AFF4: variants seen among roughly 807,000 people sequenced by gnomAD.
AFF4 encodes AF4/FMR2 family member 4.
A neutral mutation model predicts 124.8 loss-of-function variants in AFF4; 13 were observed. The ratio of observed to expected loss-of-function variants is 0.10; its 90% confidence interval spans 0.07 to 0.17. The LOEUF (loss-of-function observed/expected upper bound fraction) is 0.17. Among genes scored for constraint, AFF4 ranks in the 10% least tolerant of loss-of-function variants. AFF4 has a pLI of 1.00. For synonymous variants in AFF4, 477 were observed against 496.1 expected, an observed-to-expected ratio of 0.96 and a Z score of 0.51; for missense variants, 1,092 against 1,403.8, an observed-to-expected ratio of 0.78 and a Z score of 3.55.
chr5:132,934,073 T>C, intron 3 of AFF4, 74 bp downstream of exon 3: 1 of 1,471,716 alleles, frequency 6.8e-7, no homozygotes, highest in African/African-American at 1.4e-5. Context: ...AGTGTTCAAG[T>C]TCAATCGTAA....
chr5:132,963,045 T>C (rs537843295), intron 1 of AFF4, among the ~76,000 whole-genome samples: 33 of 152,122 alleles, frequency 2.2e-4, no homozygotes, highest in African/African-American at 6.5e-4. Context: ...TTTGTTAGGA[T>C]TGGGTTAGCT....
At chr5:132,885,946 G>A (rs893366960) in intron 18 of AFF4, among the ~76,000 whole-genome samples, 1 of 151,980 alleles carries the variant, frequency 6.6e-6, no homozygotes. Flanking sequence ...GCTAATTTTT[G>A]TATATTTAGT....
chr5:132,900,900 A>G, intron 7 of AFF4: 1 of 984,552 alleles, frequency 1.0e-6, no homozygotes, highest in Non-Finnish European at 1.2e-6. Context: ...ACAATCTCCA[A>G]TCAGTGAGAA....
intron 1 of AFF4, among the ~76,000 whole-genome samples, chr5:132,938,651 T>C (rs1761489285): frequency 1.3e-5 from 2 of 151,716 alleles, no homozygotes; most frequent in Admixed American, 6.6e-5. Context: ...TGTCATGCAA[T>C]AAAAGCAATT....
Position 132,937,024 on chromosome 5 carries a change from G to A in AFF4, c.123+43C>T, listed in dbSNP as rs1761448007. ...TGTGAAACATTTTAAAAGCAAAAATGTCATGCTAATGGGAAAAAAACATTC... is the reference window on the plus strand; with the variant it reads ...TGTGAAACATTTTAAAAGCAAAAATATCATGCTAATGGGAAAAAAACATTC... On this transcript the variant is annotated intron_variant, in intron 2 of 20. Coordinates refer to ENST00000265343, the MANE Select transcript of AFF4 (RefSeq NM_014423.4). 7 of 1,567,726 alleles carry A rather than the reference G, an allele frequency of 4.5e-6. No homozygotes were observed. In the East Asian group the frequency reaches 1.4e-4, roughly 31 times the overall value.
intron 1 of AFF4, among the ~76,000 whole-genome samples, chr5:132,945,914 G>A (rs1267451224): frequency 6.6e-6 from 1 of 152,046 alleles, no homozygotes; most frequent in Non-Finnish European, 1.5e-5. Flanking sequence ...TACAAAATTA[G>A]CCAGGCGTGG....
At chr5:132,925,360 G>A (rs1323181240) in intron 5 of AFF4, among the ~76,000 whole-genome samples, 1 of 151,728 alleles carries the variant, frequency 6.6e-6, no homozygotes, top group Non-Finnish European at 1.5e-5. Context: ...ATAAAAATAA[G>A]AGGGTATGTT....
intron 4 of AFF4, chr5:132,927,454 A>G (rs1305142871): frequency 5.1e-6 from 2 of 390,226 alleles, no homozygotes; most frequent in African/African-American, 4.3e-5. Flanking sequence ...GAATAGTTAC[A>G]GAAATCAGCC....
Position 132,896,200 on chromosome 5 carries a change from G to A in AFF4, c.2307+123C>T, listed in dbSNP as rs1467953152. Reference sequence around the variant, plus strand: ...CCACATGTAGCCTCGCCTGGGCCTTGGGTTTACCCACTATTTTCCTTCACA... The same window carrying A: ...CCACATGTAGCCTCGCCTGGGCCTTAGGTTTACCCACTATTTTCCTTCACA... On this transcript the variant is annotated intron_variant, in intron 11 of 20. Transcript: ENST00000265343. The A allele has an allele frequency of 3.4e-6, 4 of 1,173,336 alleles. No individual in the cohort carries two copies. The Admixed American group carries it at 7.7e-5, about 22-fold the overall frequency. The allele number at this position is 1,173,336 out of a possible 1,614,324, so 72.7% of individuals were successfully genotyped here.
chr5:132,960,759 T>C (rs567034918), intron 1 of AFF4, among the ~76,000 whole-genome samples: 4 of 152,280 alleles, frequency 2.6e-5, no homozygotes, highest in South Asian at 2.1e-4. Flanking sequence ...AATCTAGTAA[T>C]TGTGTAAAAT....
At chr5:132,912,454 G>A (rs957692820) in intron 5 of AFF4, among the ~76,000 whole-genome samples, 1 of 152,016 alleles carries the variant, frequency 6.6e-6, no homozygotes, top group Non-Finnish European at 1.5e-5. Context: ...AAGACCTCCG[G>A]GGCTCAAGCT....
At chr5:132,921,560 C>T (rs1761048802) in intron 5 of AFF4, among the ~76,000 whole-genome samples, 1 of 151,882 alleles carries the variant, frequency 6.6e-6, no homozygotes, top group African/African-American at 2.4e-5. Context: ...CCTCCACCTC[C>T]CAGCTTCAAG....
chr5:132,896,217 T>C, intron 11 of AFF4, 106 bp downstream of exon 11: 2 of 1,364,872 alleles, frequency 1.5e-6, no homozygotes, highest in East Asian at 4.6e-5. Context: ...CCCACTATTT[T>C]CCTTCACAGC....
intron 4 of AFF4, chr5:132,927,534 G>C: frequency 4.0e-6 from 1 of 253,050 alleles, no homozygotes; most frequent in Non-Finnish European, 7.5e-6. Flanking sequence ...GGGAGGAAGG[G>C]ACAATGATAA....
chr5:132,914,919 C>T (rs1317169374), intron 5 of AFF4, among the ~76,000 whole-genome samples: 1 of 152,150 alleles, frequency 6.6e-6, no homozygotes, highest in South Asian at 2.1e-4. Context: ...AACGAAAGAT[C>T]ATTCAAGGAG....
In AFF4 at chr5:132,896,302, C is replaced by CA. The variant is rs745882599; in HGVS notation, c.2307+20dup. ...TCAGATTCTGATGTTTCAAAACAAA[C>CA]AACAAAAACCCTTCACAAACCTTAT... On this transcript the variant is annotated intron_variant, in intron 11 of 20. Coordinates refer to ENST00000265343, the MANE Select transcript of AFF4 (RefSeq NM_014423.4). 5 of 1,551,524 alleles carry CA rather than the reference C, an allele frequency of 3.2e-6. No individual in the cohort carries two copies. The South Asian group carries it at 3.8e-5, about 12-fold the overall frequency.
At chr5:132,908,772 A>ATTTT (rs1194870512) in intron 5 of AFF4, among the ~76,000 whole-genome samples, 8 of 102,816 alleles carry the variant, frequency 7.8e-5, no homozygotes, top group South Asian at 2.8e-4. Flanking sequence ...ATATATATAT[A>ATTTT]TATATTTTTT....
intron 3 of AFF4, among the ~76,000 whole-genome samples, chr5:132,933,259 T>C (rs1436365206): frequency 6.6e-6 from 1 of 151,986 alleles, no homozygotes; most frequent in African/African-American, 2.4e-5. Flanking sequence ...TAGCCGGGCA[T>C]GGTGGCACAT....
At chr5:132,881,220 T>C (rs755065206) in intron 20 of AFF4, 34 bp from the exon 21 acceptor site, 21 of 1,604,994 alleles carry the variant, frequency 1.3e-5, no homozygotes, top group African/African-American at 6.7e-5. Context: ...AAATGATATA[T>C]ACTCTTTTGA....
Sources: gnomAD v4.1 joint callset for allele counts (sites outside exome capture counted in the v4.1 genomes callset) on GRCh38, gnomAD v4.1.1 for gene constraint, MANE v1.5 for transcripts, NCBI Gene and HGNC (gene_info 2026-07-23, HGNC 2026-07-21) for gene names.